MTRF1L: variants seen among roughly 807,000 people sequenced by gnomAD.
MTRF1L encodes mitochondrial translation release factor 1 like.
A neutral mutation model predicts 40.0 loss-of-function variants in MTRF1L; 29 were observed. The ratio of observed to expected loss-of-function variants is 0.73; its 90% CI spans 0.54 to 0.99. The LOEUF is 0.99. Among genes scored for constraint, MTRF1L ranks in the 50% least tolerant of loss-of-function variants. The probability of loss-of-function intolerance (pLI) is 0.00; values close to 1 mark genes in which losing one functional copy is unlikely to be tolerated. For synonymous variants in MTRF1L, 150 were observed against 175.8 expected, an observed-to-expected ratio of 0.85 and a Z score of 1.16; for missense variants, 412 against 464.5, an observed-to-expected ratio of 0.89 and a Z score of 1.04.
Position 153,002,594 on chromosome 6 carries a change from G to A in MTRF1L, c.92C>T (p.Pro31Leu), listed in dbSNP as rs1461577009. Residue 31 changes from proline to leucine, a missense_variant, in exon 1 of 7, where the codon CCG (proline) becomes CTG (leucine). Physicochemically the swap from Pro to Leu is moderately conservative, Grantham distance 98. Transcript: ENST00000367233. Reference protein sequence around the residue: ...PARRPLSSGSPPLEELFTRGG... With the variant: ...PARRPLSSGSLPLEELFTRGG... Reference sequence around the variant, plus strand: ...CCGGGTGAACAGCTCCTCCAGCGGCGGGCTACCGGAGCTCAGGGGCCGGCG... The same window carrying A: ...CCGGGTGAACAGCTCCTCCAGCGGCAGGCTACCGGAGCTCAGGGGCCGGCG... 9 of 1,553,648 alleles carry A rather than the reference G, an allele frequency of 5.8e-6. No individual in the cohort carries two copies. The highest frequency in any genetic ancestry group is 1.2e-5 in the South Asian group (1 of 85,070).
intron 1 of MTRF1L, among the ~76,000 whole-genome samples, chr6:152,999,414 A>G (rs1778831294): frequency 6.6e-6 from 1 of 152,200 alleles, no homozygotes; most frequent in East Asian, 1.9e-4. Flanking sequence ...GTGGGATAAT[A>G]CATATATAAG....
In MTRF1L at chr6:152,990,111, AAGATG is replaced by A; in HGVS notation, c.943-21_943-17del. 1 of 1,609,320 alleles carries A rather than the reference AAGATG, an allele frequency of 6.2e-7. No homozygotes were observed. Among genetic ancestry groups the A allele is most frequent in the South Asian group, 1.1e-5 (1 of 89,672 alleles). On this transcript the variant is annotated splice_polypyrimidine_tract_variant and intron_variant, in intron 6 of 6. Coordinates refer to ENST00000367233, the MANE Select transcript of MTRF1L (RefSeq NM_019041.7). ...TACTTCCAATCTGTATATAGAGAAA[AAGATG>A]AGATGCAGCTAGATTCAGGGCAATT...
At chr6:152,992,440 G>A (rs767873665) in intron 5 of MTRF1L, among the ~76,000 whole-genome samples, 9 of 152,118 alleles carry the variant, frequency 5.9e-5, no homozygotes, top group African/African-American at 2.2e-4. Context: ...CTGAGTAGGA[G>A]GTCCAATGCT....
chr6:152,994,599 T>C lies in MTRF1L; in HGVS notation c.601A>G (p.Arg201Gly). Residue 201 changes from arginine to glycine, a missense_variant, in exon 4 of 7, where the codon AGA becomes GGA. Coordinates refer to ENST00000367233, the MANE Select transcript of MTRF1L (RefSeq NM_019041.7). ...TCTGTCTTTGGCACTCTTTGTACTC[T>C]GTGAACACCTCCTTCAAATTTCATG... ...RHMKFEGGVHRVQRVPKTEKQ... is the reference protein window; with the variant it reads ...RHMKFEGGVHGVQRVPKTEKQ... 6.2e-7 allele frequency: 1 copy of C among 1,613,884 alleles called. No homozygotes were observed. The highest frequency in any genetic ancestry group is 8.5e-7 in the Non-Finnish European group (1 of 1,180,012).
rs536979256 is a variant in MTRF1L, at chr6:153,001,783, C to A, written c.259+644G>T. Among the ~76,000 whole-genome samples, 21 of 152,358 alleles carry A rather than the reference C, an allele frequency of 1.4e-4. No homozygotes were observed. The East Asian group carries it at 4.0e-3, about 29-fold the overall frequency. On this transcript the variant is annotated intron_variant, in intron 1 of 6. Coordinates refer to ENST00000367233, the MANE Select transcript of MTRF1L (RefSeq NM_019041.7). The stretch of plus-strand genomic sequence containing the variant: ...TGCCTCCTCCCTGGCCTGTCAGCCA[C>A]CAGCGTTTCTGGAGAATACTCCAAT...
Position 152,997,613 on chromosome 6 carries a change from CTT to C in MTRF1L, c.339+935_339+936del, listed in dbSNP as rs756613315. On this transcript the variant is annotated intron_variant, in intron 2 of 6. Transcript: ENST00000367233. ...TAGGGGCAAAAGTCATGGCAATAGT[CTT>C]TTTGGGGATTCTCAAGGCACCTTGC... Among the ~76,000 whole-genome samples, 7 of 152,172 alleles carry C rather than the reference CTT, an allele frequency of 4.6e-5. 1 individual carries two copies. The highest frequency in any genetic ancestry group is 1.9e-4 in the East Asian group (1 of 5,170).
At chr6:152,991,522 A>C in intron 5 of MTRF1L, 1 of 460,098 alleles carries the variant, frequency 2.2e-6, no homozygotes, top group Non-Finnish European at 3.7e-6. Flanking sequence ...TTTGAGCAAT[A>C]GCACAAATAG....
chr6:152,989,913 A>G lies in MTRF1L; in HGVS notation c.1125T>C (p.Ile375=), dbSNP rs1778443009. 2 of 1,611,140 alleles carry G rather than the reference A, an allele frequency of 1.2e-6. No homozygotes were observed. The highest frequency in any genetic ancestry group is 3.4e-5 in the Admixed American group (2 of 59,484). Residue 375 remains isoleucine, a synonymous_variant, in exon 7 of 7, where the codon ATT becomes ATC. Transcript: ENST00000367233. ...AATCAACTTAAACTTTTTGGGAAATAATTTCTACTAAAGATTCATAATCGG... is the reference window on the plus strand; with the variant it reads ...AATCAACTTAAACTTTTTGGGAAATGATTTCTACTAAAGATTCATAATCGG... The part of the protein sequence containing the change: ...EYADYESLVE[I]ISQKV
In MTRF1L at chr6:152,991,175, C is replaced by A. The variant is rs572377232; in HGVS notation, c.942+10G>T. 1.7e-5 allele frequency: 19 copies of A among 1,136,238 alleles called. No homozygotes were observed. The East Asian group carries it at 4.1e-4, about 24-fold the overall frequency. 70.4% of individuals were successfully genotyped at this position (1,136,238 alleles called of 1,614,324 possible). On this transcript the variant is annotated intron_variant, in intron 6 of 6. Transcript: ENST00000367233. ...ATCCTTTAAAAGCATTTTTAAAATT[C>A]TTTTTTTACCTGAATTTTTCTAGCA...
chr6:152,997,036 A>T (rs905759026), intron 2 of MTRF1L, among the ~76,000 whole-genome samples: 1 of 152,224 alleles, frequency 6.6e-6, no homozygotes, highest in Non-Finnish European at 1.5e-5. Flanking sequence ...AATTGAAGCA[A>T]GAACAAACAT....
chr6:152,991,343 A>G (rs748061257), intron 5 of MTRF1L, 22 bp from the exon 6 acceptor site: 1 of 1,548,232 alleles, frequency 6.5e-7, no homozygotes, highest in South Asian at 1.2e-5. Flanking sequence ...TACGAGAATT[A>G]AAAAGTTTTA....
intron 5 of MTRF1L, among the ~76,000 whole-genome samples, chr6:152,991,633 G>A (rs977097054): frequency 1.4e-4 from 21 of 152,048 alleles, no homozygotes. Context: ...TGCAAGCTCC[G>A]CCTCCCGGGT....
At chr6:152,994,482 G>C (rs3799135) in intron 4 of MTRF1L, 31 bp downstream of exon 4, 8 of 1,577,340 alleles carry the variant, frequency 5.1e-6, no homozygotes, top group Non-Finnish European at 6.0e-6. Flanking sequence ...TGCTAGGCCC[G>C]GGATTCCAAG....
rs200507881 is a variant in MTRF1L, at chr6:152,991,172, ATTC to A, written c.942+10_942+12del. On this transcript the variant is annotated intron_variant, in intron 6 of 6. Transcript: ENST00000367233. ...TCTATCCTTTAAAAGCATTTTTAAA[ATTC>A]TTTTTTTACCTGAATTTTTCTAGCA... 1.4e-5 allele frequency: 20 copies of A among 1,468,744 alleles called. No homozygotes were observed. In the East Asian group the frequency reaches 1.7e-4, roughly 13 times the overall value. 91.0% of individuals were successfully genotyped at this position (1,468,744 alleles called of 1,614,324 possible). A position where few individuals can be genotyped will look rare whatever the true frequency, so the allele number is the denominator to read the frequency against.
chr6:152,996,631 C>T (rs780848866), intron 2 of MTRF1L, among the ~76,000 whole-genome samples: 36 of 152,278 alleles, frequency 2.4e-4, no homozygotes, highest in African/African-American at 2.4e-4. Flanking sequence ...TTATCCCCAA[C>T]GGTAATTGCT....
intron 1 of MTRF1L, among the ~76,000 whole-genome samples, chr6:153,000,867 ATTTTTT>A (rs10536494): frequency 3.0e-5 from 3 of 100,482 alleles, no homozygotes; most frequent in African/African-American, 4.2e-5. Context: ...GGTACTACGG[ATTTTTT>A]TTTTTTTTTT....
intron 6 of MTRF1L, among the ~76,000 whole-genome samples, chr6:152,990,762 C>T (rs762692038): frequency 3.9e-5 from 6 of 152,052 alleles, no homozygotes; most frequent in Non-Finnish European, 8.8e-5. Context: ...GGGTGGAAGT[C>T]GCAGTGAGCT....
intron 6 of MTRF1L, chr6:152,990,309 G>A: frequency 1.4e-6 from 1 of 706,554 alleles, no homozygotes; most frequent in Non-Finnish European, 2.2e-6. Context: ...TCCTGCCTCA[G>A]CCACTTCAAT....
chr6:152,994,392 C>T (rs958936169), intron 4 of MTRF1L, 121 bp downstream of exon 4: 7 of 987,882 alleles, frequency 7.1e-6, no homozygotes, highest in African/African-American at 4.9e-5. Context: ...AGATAATATG[C>T]AACTCAAAAT....
Sources: allele counts gnomAD v4.1 joint callset (sites outside exome capture counted in the v4.1 genomes callset), GRCh38; gene constraint gnomAD v4.1.1; transcripts MANE v1.5; gene names NCBI Gene and HGNC (gene_info 2026-07-23, HGNC 2026-07-21).